The following VPS13B variants were observed in gnomAD, a reference collection of about 807,000 sequenced individuals.
The protein encoded by VPS13B is intermembrane lipid transfer protein VPS13B.
In VPS13B, 285 loss-of-function variants were observed where a neutral mutation model predicts 426.4. The ratio of observed to expected loss-of-function variants is 0.67; its 90% CI spans 0.61 to 0.74. The LOEUF (loss-of-function observed/expected upper bound fraction) is 0.74. VPS13B is among the 30% of genes least tolerant of loss of function. The pLI is 0.00. For synonymous variants in VPS13B, 1,676 were observed against 1,676.4 expected, an observed-to-expected ratio of 1.00 and a Z score of 0.01; for missense variants, 4,537 against 4,782.6, an observed-to-expected ratio of 0.95 and a Z score of 1.51.
At chr8:99,869,208 A>C (rs544567725) in intron 59 of VPS13B, among the ~76,000 whole-genome samples, 27 of 152,364 alleles carry the variant, frequency 1.8e-4, no homozygotes, top group African/African-American at 6.0e-4. Context: ...TCATTTTGGT[A>C]ATGAAGCAGG....
At chr8:99,044,863 C>T (rs906532924) in intron 3 of VPS13B, among the ~76,000 whole-genome samples, 1 of 122,154 alleles carries the variant, frequency 8.2e-6, no homozygotes, top group Non-Finnish European at 1.9e-5. Context: ...TACACACACA[C>T]ACACACACAC....
At chr8:99,592,995 T>C (rs182726520) in intron 33 of VPS13B, among the ~76,000 whole-genome samples, 190 of 152,254 alleles carry the variant, frequency 1.2e-3, no homozygotes, top group African/African-American at 4.2e-3. Flanking sequence ...ATTCAGGACA[T>C]AGGCATGGGC....
chr8:99,839,184 G>C (rs1815546836), intron 54 of VPS13B, among the ~76,000 whole-genome samples: 1 of 152,200 alleles, frequency 6.6e-6, no homozygotes, highest in Non-Finnish European at 1.5e-5. Context: ...AAAAGATCCA[G>C]TAAATTCTCA....
At chr8:99,108,437 T>C (rs1056825604) in intron 5 of VPS13B, among the ~76,000 whole-genome samples, 1 of 152,190 alleles carries the variant, frequency 6.6e-6, no homozygotes, top group Non-Finnish European at 1.5e-5. Context: ...TTAATCTATC[T>C]CGAGTTGATT....
At chr8:99,818,306 T>G in intron 45 of VPS13B, 145 bp from the exon 46 acceptor site, 1 of 835,424 alleles carries the variant, frequency 1.2e-6, no homozygotes, top group Non-Finnish European at 1.9e-6. Context: ...ATGAAGTCTG[T>G]TTTTGCTCAG....
At chr8:99,486,989 G>C (rs1205118838) in intron 25 of VPS13B, among the ~76,000 whole-genome samples, 1 of 152,038 alleles carries the variant, frequency 6.6e-6, no homozygotes, top group East Asian at 1.9e-4. Context: ...GGAGCAGTTG[G>C]TGACACCAGT....
At chr8:99,653,556 A>G (rs948640832) in intron 34 of VPS13B, among the ~76,000 whole-genome samples, 2 of 152,126 alleles carry the variant, frequency 1.3e-5, no homozygotes, top group African/African-American at 4.8e-5. Context: ...TTAATATGAA[A>G]CAACCAAATT....
intron 6 of VPS13B, among the ~76,000 whole-genome samples, chr8:99,112,947 T>A (rs1847444540): frequency 6.6e-6 from 1 of 152,166 alleles, no homozygotes; most frequent in African/African-American, 2.4e-5. Context: ...ATATGTGATA[T>A]CAATGTGTTA....
intron 4 of VPS13B, among the ~76,000 whole-genome samples, chr8:99,099,182 T>G (rs1846596627): frequency 6.6e-6 from 1 of 152,196 alleles, no homozygotes; most frequent in Non-Finnish European, 1.5e-5. Context: ...GTCTATAACA[T>G]TGACAGTAAA....
chr8:99,501,945 TTTTC>T lies in VPS13B; in HGVS notation c.4042+89_4042+92del, dbSNP rs2133610701. 8 of 1,321,946 alleles carry T rather than the reference TTTTC, an allele frequency of 6.1e-6. No homozygotes were observed. In the Admixed American group the frequency reaches 6.2e-5, roughly 10 times the overall value. 81.9% of individuals were successfully genotyped at this position (1,321,946 alleles called of 1,614,324 possible). A position where few individuals can be genotyped will look rare whatever the true frequency, so the allele number is the denominator to read the frequency against. On this transcript the variant is annotated intron_variant, in intron 26 of 61. Transcript: ENST00000357162. ...CTCCCTCCCTTCCTTCCTTCCTTTC[TTTTC>T]TGTCTGTCTGTCTGTCTGTCTGTCT... is the stretch of plus-strand genomic sequence containing the variant.
chr8:99,868,381 A>T lies in VPS13B; in HGVS notation c.11308A>T (p.Ile3770Phe). 6.2e-7 allele frequency: 1 copy of T among 1,614,192 alleles called. No individual in the cohort carries two copies. Among genetic ancestry groups the T allele is most frequent in the Non-Finnish European group, 8.5e-7 (1 of 1,180,028 alleles). Residue 3770 changes from isoleucine to phenylalanine, a missense_variant, in exon 59 of 62, where the codon ATC becomes TTC. Transcript: ENST00000357162. The part of the protein sequence containing the change: ...ASAGHKAKGV[I>F]SGVGKGIMGV... ...AGCAGGACACAAGGCCAAGGGTGTCATCTCGGGTGTGGGGAAAGGAATCAT... is the reference window on the plus strand; with the variant it reads ...AGCAGGACACAAGGCCAAGGGTGTCTTCTCGGGTGTGGGGAAAGGAATCAT...
At chr8:99,348,175 A>G (rs1234047371) in intron 19 of VPS13B, 3 of 152,272 alleles carry the variant, frequency 2.0e-5, no homozygotes, top group Admixed American at 2.0e-4. Context: ...CTAGGAGGTC[A>G]TAGTGGATAT....
intron 39 of VPS13B, among the ~76,000 whole-genome samples, chr8:99,752,039 A>G (rs1009462221): frequency 6.6e-6 from 1 of 152,102 alleles, no homozygotes; most frequent in African/African-American, 2.4e-5. Context: ...TGTTTATCAT[A>G]TATTTATCCT....
intron 19 of VPS13B, among the ~76,000 whole-genome samples, chr8:99,359,116 T>G (rs977638782): frequency 5.9e-5 from 9 of 152,124 alleles, no homozygotes; most frequent in African/African-American, 1.9e-4. Context: ...TTAAGTGTGG[T>G]GTATTTGATG....
intron 33 of VPS13B, among the ~76,000 whole-genome samples, chr8:99,628,524 G>T (rs1001675730): frequency 6.6e-6 from 1 of 152,070 alleles, no homozygotes; most frequent in African/African-American, 2.4e-5. Context: ...GAAGCACCTA[G>T]TATGTGCCCA....
At chr8:99,479,477 A>C (rs1363185412) in intron 24 of VPS13B, among the ~76,000 whole-genome samples, 1 of 152,178 alleles carries the variant, frequency 6.6e-6, no homozygotes, top group East Asian at 1.9e-4. Flanking sequence ...AGGTTTACTT[A>C]ACATACAATA....
chr8:99,242,483 A>G (rs1404624314), intron 17 of VPS13B, among the ~76,000 whole-genome samples: 1 of 152,120 alleles, frequency 6.6e-6, no homozygotes, highest in Non-Finnish European at 1.5e-5. Flanking sequence ...TTTTATATGT[A>G]TAGGTTTATA....
At chr8:99,740,276 A>C (rs1053930185) in intron 39 of VPS13B, among the ~76,000 whole-genome samples, 2 of 152,200 alleles carry the variant, frequency 1.3e-5, no homozygotes, top group African/African-American at 2.4e-5. Flanking sequence ...TTAGAGAAAA[A>C]AGAATAAAAA....
chr8:99,720,945 T>C lies in VPS13B; in HGVS notation c.6948T>C (p.Tyr2316=), dbSNP rs774332625. ...EDCPGMMLWR[Y]PEPRVLTLVR... ...GCCCAGGGATGATGTTATGGAGATA[T>C]CCAGAACCTAGAGTACTCACCCTTG... Residue 2316 remains tyrosine (Y), a synonymous_variant, in exon 39 of 62, where the codon TAT becomes TAC. Coordinates refer to ENST00000357162, the MANE Select transcript of VPS13B (RefSeq NM_152564.5). The C allele has an allele frequency of 9.3e-6, 15 of 1,614,060 alleles. No individual in the cohort carries two copies. The highest frequency in any genetic ancestry group is 1.3e-5 in the Non-Finnish European group (15 of 1,179,946).
Sources: allele counts gnomAD v4.1 joint callset (sites outside exome capture counted in the v4.1 genomes callset), GRCh38; gene constraint gnomAD v4.1.1; transcripts MANE v1.5; gene names NCBI Gene and HGNC (gene_info 2026-07-23, HGNC 2026-07-21).